Variants in SETX observed in about 807,000 individuals in gnomAD.
The protein encoded by SETX is senataxin, also known as helicase senataxin.
SETX carries 90 observed loss-of-function variants against 227.2 expected under a neutral mutation model. The observed-to-expected ratio is 0.40, with a 90% CI of 0.33 to 0.47. The LOEUF is 0.47. Ranked by LOEUF, SETX falls within the 20% of genes least tolerant of loss-of-function variation. The probability of loss-of-function intolerance (pLI) is 0.91; values close to 1 mark genes in which losing one functional copy is unlikely to be tolerated. For missense variants in SETX, 3,052 were observed against 3,181.5 expected, an observed-to-expected ratio of 0.96 and a Z score of 0.98; for synonymous variants, 1,210 against 1,113.2, an observed-to-expected ratio of 1.09 and a Z score of -1.73.
chr9:132,355,885 G>T (rs1457204713), upstream of SETX, among the ~76,000 whole-genome samples: 7 of 151,404 alleles, frequency 4.6e-5, no homozygotes, highest in Non-Finnish European at 8.8e-5. Flanking sequence ...TACTCAGGAG[G>T]CTGAGGCATG....
intron 7 of SETX, among the ~76,000 whole-genome samples, chr9:132,333,412 T>TAC (rs1554822624): frequency 3.8e-5 from 4 of 104,048 alleles, no homozygotes; most frequent in African/African-American, 1.8e-4. Context: ...AAAAAAAATA[T>TAC]ATATACACAC....
chr9:132,273,335 G>A (rs1842988663), intron 23 of SETX, among the ~76,000 whole-genome samples: 1 of 152,070 alleles, frequency 6.6e-6, no homozygotes, highest in Non-Finnish European at 1.5e-5. Context: ...ACTGATTTTT[G>A]TATAATTAGT....
chr9:132,321,452 C>T (rs1433163662), intron 10 of SETX, among the ~76,000 whole-genome samples: 2 of 151,916 alleles, frequency 1.3e-5, no homozygotes, highest in East Asian at 1.9e-4. Flanking sequence ...GTCAGGAGAT[C>T]GAGACCATCC....
Position 132,296,171 on chromosome 9 carries a change from A to C in SETX, c.5950-143T>G. 5 of 1,022,228 alleles carry C rather than the reference A, an allele frequency of 4.9e-6. No homozygotes were observed. In the South Asian group the frequency reaches 7.2e-5, roughly 15 times the overall value. 63.3% of individuals were successfully genotyped at this position (1,022,228 alleles called of 1,614,324 possible). ...GTTAAAAATAAATAAAAGCATCTACATCTAACACTGATATTTAAAATTACT... is the reference window on the plus strand; with the variant it reads ...GTTAAAAATAAATAAAAGCATCTACCTCTAACACTGATATTTAAAATTACT... On this transcript the variant is annotated intron_variant, in intron 14 of 25. Coordinates refer to ENST00000224140, the MANE Select transcript of SETX (RefSeq NM_015046.7).
intron 3 of SETX, among the ~76,000 whole-genome samples, chr9:132,347,374 G>T (rs931169964): frequency 1.3e-5 from 2 of 151,552 alleles, no homozygotes; most frequent in Admixed American, 6.6e-5. Flanking sequence ...GTGCAATGGC[G>T]TGGTCTCAGC....
Position 132,327,990 on chromosome 9 carries a change from C to T in SETX, c.3608G>A (p.Arg1203Lys). Reference sequence around the variant, plus strand: ...ACGTGAATTGGGAGTTGAAGTCCTTCTATCAATACTTTTAAAATCATTTCC... The same window carrying T: ...ACGTGAATTGGGAGTTGAAGTCCTTTTATCAATACTTTTAAAATCATTTCC... Reference protein sequence around the residue: ...LVGNDFKSIDRRTSTPNSRIQ... With the variant: ...LVGNDFKSIDKRTSTPNSRIQ... The change falls in exon 10 of 26, where the codon AGA becomes AAA. Residue 1203 changes from arginine to lysine, a missense_variant. By Grantham distance (26) the Arg-to-Lys change is conservative. This residue lies in a region of SETX where 1,483 missense variants were observed against 1,312.0 expected (regional missense o/e 1.13). Transcript: ENST00000224140. The T allele has an allele frequency of 6.2e-7, 1 of 1,613,718 alleles. No homozygotes were observed. The highest frequency in any genetic ancestry group is 2.2e-5 in the East Asian group (1 of 44,888).
Position 132,293,949 on chromosome 9 carries a change from G to C in SETX, c.6106+1923C>G, listed in dbSNP as rs1361370433. 2.0e-5 allele frequency among the ~76,000 whole-genome samples: 3 copies of C among 152,218 alleles called. No homozygotes were observed. In the East Asian group the frequency reaches 5.8e-4, roughly 30 times the overall value. On this transcript the variant is annotated intron_variant, in intron 15 of 25. Transcript: ENST00000224140. ...TGAGGCAGGAGAATGGCGTGAACCT[G>C]AGAGGCGGAGCTTGCAGTGAGCCGA...
intron 21 of SETX, among the ~76,000 whole-genome samples, chr9:132,277,789 C>CAAAAAAA (rs372125008): frequency 4.4e-5 from 3 of 68,116 alleles, no homozygotes; most frequent in African/African-American, 9.8e-5. Flanking sequence ...ACCCTGTCTT[C>CAAAAAAA]AAAAAAAAAA....
intron 10 of SETX, among the ~76,000 whole-genome samples, chr9:132,315,458 T>C (rs1041628496): frequency 2.6e-5 from 4 of 152,136 alleles, no homozygotes; most frequent in African/African-American, 9.7e-5. Context: ...ACTCCTAGAG[T>C]TATCCATTTT....
In SETX at chr9:132,264,149, C is replaced by A; in HGVS notation, c.*90G>T. ...TTTCCAACAGCACACAAACTCCTTACAAAAAACAAGCTTATCTAGATGGTC... is the reference window on the plus strand; with the variant it reads ...TTTCCAACAGCACACAAACTCCTTAAAAAAAACAAGCTTATCTAGATGGTC... On this transcript the variant is annotated 3_prime_UTR_variant, in exon 26 of 26. Transcript: ENST00000224140. 6.3e-7 allele frequency: 1 copy of A among 1,586,744 alleles called. No homozygotes were observed. The highest frequency in any genetic ancestry group is 8.6e-7 in the Non-Finnish European group (1 of 1,165,702).
intron 23 of SETX, among the ~76,000 whole-genome samples, chr9:132,274,333 T>C (rs1028079266): frequency 1.5e-4 from 23 of 152,224 alleles, no homozygotes; most frequent in African/African-American, 5.5e-4. Context: ...GAATGACTTG[T>C]GTTCATTCTT....
intron 24 of SETX, among the ~76,000 whole-genome samples, chr9:132,271,199 G>C (rs961703402): frequency 6.6e-6 from 1 of 152,192 alleles, no homozygotes; most frequent in Non-Finnish European, 1.5e-5. Context: ...CCTCTGCAAA[G>C]TATAATCTAA....
At chr9:132,352,158 A>G (rs1379529659) in intron 2 of SETX, among the ~76,000 whole-genome samples, 1 of 152,190 alleles carries the variant, frequency 6.6e-6, no homozygotes, top group Non-Finnish European at 1.5e-5. Flanking sequence ...CTGAATGTGA[A>G]GTCCCTAACA....
intron 10 of SETX, among the ~76,000 whole-genome samples, chr9:132,320,446 G>A (rs1018001880): frequency 6.6e-6 from 1 of 151,916 alleles, no homozygotes; most frequent in African/African-American, 2.4e-5. Context: ...CAGACGTGGT[G>A]CCGGACGCCT....
chr9:132,273,156 T>C (rs1564472684), intron 23 of SETX, among the ~76,000 whole-genome samples: 1 of 149,634 alleles, frequency 6.7e-6, no homozygotes, highest in Non-Finnish European at 1.5e-5. Context: ...TTCACATTTA[T>C]TTAGGTGGTT....
intron 11 of SETX, among the ~76,000 whole-genome samples, chr9:132,311,455 G>A (rs983278044): frequency 6.6e-6 from 1 of 152,094 alleles, no homozygotes; most frequent in Admixed American, 6.6e-5. Context: ...CTCAGAATCT[G>A]TAAAGACTAT....
At chr9:132,323,960 A>G (rs1846538827) in intron 10 of SETX, among the ~76,000 whole-genome samples, 1 of 152,102 alleles carries the variant, frequency 6.6e-6, no homozygotes, top group Non-Finnish European at 1.5e-5. Context: ...ACTCATTAAG[A>G]ATAGAAAATA....
At chr9:132,280,383 C>T (rs373210617) in intron 20 of SETX, among the ~76,000 whole-genome samples, 2 of 152,202 alleles carry the variant, frequency 1.3e-5, no homozygotes, top group East Asian at 3.9e-4. Flanking sequence ...TGCCAAGGCC[C>T]TTCAATGAAA....
intron 10 of SETX, among the ~76,000 whole-genome samples, chr9:132,315,181 T>C (rs768908819): frequency 3.3e-5 from 5 of 152,138 alleles, no homozygotes; most frequent in Admixed American, 6.5e-5. Flanking sequence ...CCTTCCCAAG[T>C]GTTGGGATTA....
Sources: allele counts gnomAD v4.1 joint callset (sites outside exome capture counted in the v4.1 genomes callset), GRCh38; gene constraint gnomAD v4.1.1; regional missense constraint gnomAD v4.1.1; transcripts MANE v1.5; gene names NCBI Gene and HGNC (gene_info 2026-07-23, HGNC 2026-07-21).